KCNIP4: variants seen among roughly 807,000 people sequenced by gnomAD.
KCNIP4 encodes potassium voltage-gated channel interacting protein 4, also known as Kv channel-interacting protein 4.
Under a neutral mutation model 34.0 loss-of-function variants are expected in KCNIP4, and 12 were observed. The observed-to-expected ratio is 0.35, with a 90% CI of 0.23 to 0.57. KCNIP4 has a LOEUF of 0.57. Among genes scored for constraint, KCNIP4 ranks in the 20% least tolerant of loss-of-function variants. The pLI, the probability that KCNIP4 is intolerant of heterozygous loss-of-function variation, is 0.83. For synonymous variants in KCNIP4, 124 were observed against 102.2 expected, an observed-to-expected ratio of 1.21 and a Z score of -1.29; for missense variants, 238 against 311.7, an observed-to-expected ratio of 0.76 and a Z score of 1.78.
At position 21,528,759 on chromosome 4, in the gene KCNIP4, GAAAGAAAGAAAGAAAGA is replaced by G. The variant is rs1736316971; in HGVS notation, c.61+419795_61+419811del. Among the ~76,000 whole-genome samples the G allele has an allele frequency of 2.1e-3, 20 of 9,686 alleles. 4 individuals carry two copies. The highest frequency in any genetic ancestry group is 0.016 in the South Asian group (3 of 190). 6.4% of individuals were successfully genotyped at this position (9,686 alleles called of 152,430 possible). ...AGAAAGAAAGAAAGAAAGAAAGAAA[GAAAGAAAGAAAGAAAGA>G]AAGGAAGAAAGGAAGAAAGGAAGAA... On this transcript the variant is annotated intron_variant, in intron 1 of 8. Coordinates refer to ENST00000382152, the MANE Select transcript of KCNIP4 (RefSeq NM_025221.6).
intron 1 of KCNIP4, among the ~76,000 whole-genome samples, chr4:21,921,879 T>C (rs1728957780): frequency 6.6e-6 from 1 of 152,160 alleles, no homozygotes; most frequent in Admixed American, 6.6e-5. Context: ...ATGTAAATTA[T>C]ATCCCATCAC....
chr4:20,830,686 T>TAA (rs1196350797), intron 3 of KCNIP4, among the ~76,000 whole-genome samples: 1 of 150,488 alleles, frequency 6.6e-6, no homozygotes, highest in Non-Finnish European at 1.5e-5. Flanking sequence ...AGAAAAAATG[T>TAA]ATAGAGAAAT....
chr4:21,851,869 C>G (rs1296257995), intron 1 of KCNIP4: 1 of 151,998 alleles, frequency 6.6e-6, no homozygotes. Context: ...ATACTGGAAC[C>G]CTCGTCTCAG....
chr4:21,246,695 A>C (rs563792712), intron 1 of KCNIP4, among the ~76,000 whole-genome samples: 62 of 152,180 alleles, frequency 4.1e-4, no homozygotes, highest in Non-Finnish European at 7.3e-4. Flanking sequence ...CACAAAATAA[A>C]GATGCTGGGC....
At chr4:21,059,055 C>G (rs895941249) in intron 1 of KCNIP4, among the ~76,000 whole-genome samples, 1 of 152,090 alleles carries the variant, frequency 6.6e-6, no homozygotes, top group African/African-American at 2.4e-5. Context: ...GTAAGACGTC[C>G]CTTTGCTCTT....
At chr4:21,866,079 C>T (rs192795905) in intron 1 of KCNIP4, among the ~76,000 whole-genome samples, 127 of 152,008 alleles carry the variant, frequency 8.4e-4, no homozygotes, top group Non-Finnish European at 1.5e-3. Flanking sequence ...AAATGATTGC[C>T]ACGGCTGCAC....
Position 21,948,645 on chromosome 4 carries a change from G to A in KCNIP4, c.-14C>T. On this transcript the variant is annotated 5_prime_UTR_variant, in exon 1 of 9. Coordinates refer to ENST00000382152, the MANE Select transcript of KCNIP4 (RefSeq NM_025221.6). ...CCTCACATTCATGTCTAGGGACGCAGGGTGCAGAAGCGAGACTCGAGAGTC... is the reference window on the plus strand; with the variant it reads ...CCTCACATTCATGTCTAGGGACGCAAGGTGCAGAAGCGAGACTCGAGAGTC... 2 of 1,610,486 alleles carry A rather than the reference G, an allele frequency of 1.2e-6. No individual in the cohort carries two copies. The highest frequency in any genetic ancestry group is 1.1e-5 in the South Asian group (1 of 90,136).
In KCNIP4 at chr4:21,116,054, C is replaced by A. The variant is rs531937407; in HGVS notation, c.62-233345G>T. On this transcript the variant is annotated intron_variant, in intron 1 of 8. Transcript: ENST00000382152. ...CTTTCCTTTTCATTCCTTTTTCCCT[C>A]GCCTTTACACCAGCAAAGAAAAAGT... Among the ~76,000 whole-genome samples, 386 of 152,246 alleles carry A rather than the reference C, an allele frequency of 2.5e-3. 1 individual carries two copies. Among genetic ancestry groups the A allele is most frequent in the Non-Finnish European group, 3.1e-3 (211 of 68,024 alleles).
At chr4:21,222,598 A>AT (rs368406631) in intron 1 of KCNIP4, among the ~76,000 whole-genome samples, 1 of 152,188 alleles carries the variant, frequency 6.6e-6, no homozygotes, top group Admixed American at 6.6e-5. Flanking sequence ...ATGTTTTTAA[A>AT]TTTTTTTCTT....
intron 1 of KCNIP4, among the ~76,000 whole-genome samples, chr4:21,716,923 G>A (rs963757029): frequency 4.6e-5 from 7 of 152,098 alleles, no homozygotes; most frequent in African/African-American, 1.7e-4. Context: ...CCAGGTAGAC[G>A]GAAAGAATCA....
chr4:20,944,618 A>G (rs1223617893), intron 1 of KCNIP4, among the ~76,000 whole-genome samples: 1 of 152,198 alleles, frequency 6.6e-6, no homozygotes, highest in African/African-American at 2.4e-5. Context: ...TCATCATGGC[A>G]GAGACAAAGA....
At position 21,605,760 on chromosome 4, in the gene KCNIP4, G is replaced by A. The variant is rs748159766; in HGVS notation, c.61+342811C>T. Among the ~76,000 whole-genome samples the A allele has an allele frequency of 8.7e-4, 132 of 152,196 alleles. 1 individual carries two copies. The highest frequency in any genetic ancestry group is 8.7e-4 in the Non-Finnish European group (59 of 68,022). ...CTCCCAAAGTGCTGGGATTACAGGC[G>A]TGATCCACTGTGCCTGGCGTACAAT... is the stretch of plus-strand genomic sequence containing the variant. On this transcript the variant is annotated intron_variant, in intron 1 of 8. Transcript: ENST00000382152.
At chr4:21,909,259 C>T (rs892876937) in intron 1 of KCNIP4, among the ~76,000 whole-genome samples, 1 of 152,104 alleles carries the variant, frequency 6.6e-6, no homozygotes, top group Non-Finnish European at 1.5e-5. Context: ...TCTCTCCAGT[C>T]TTATATTCCC....
At chr4:21,590,469 CT>C (rs1342292062) in intron 1 of KCNIP4, among the ~76,000 whole-genome samples, 1 of 151,790 alleles carries the variant, frequency 6.6e-6, no homozygotes, top group Non-Finnish European at 1.5e-5. Flanking sequence ...GTATGTGGCC[CT>C]TTGCAACCAG....
At chr4:21,801,824 AC>A (rs1278594141) in intron 1 of KCNIP4, among the ~76,000 whole-genome samples, 2 of 151,854 alleles carry the variant, frequency 1.3e-5, no homozygotes, top group South Asian at 2.1e-4. Context: ...GGATGTAGAT[AC>A]CAGGCTGAGA....
chr4:21,126,617 CAA>C (rs71655615), intron 1 of KCNIP4, among the ~76,000 whole-genome samples: 11 of 82,028 alleles, frequency 1.3e-4, no homozygotes, highest in African/African-American at 1.7e-4. Context: ...AGAGAAATAG[CAA>C]AAAAAAAAAA....
intron 1 of KCNIP4, among the ~76,000 whole-genome samples, chr4:21,799,959 G>A (rs1720884215): frequency 6.6e-6 from 1 of 152,126 alleles, no homozygotes; most frequent in Non-Finnish European, 1.5e-5. Context: ...CGACTGCAAA[G>A]TTTAAAATTT....
intron 1 of KCNIP4, among the ~76,000 whole-genome samples, chr4:21,427,184 G>C (rs1726008297): frequency 6.6e-6 from 1 of 151,910 alleles, no homozygotes; most frequent in Non-Finnish European, 1.5e-5. Context: ...GTGTCTGTGA[G>C]GAAATTTTAG....
intron 1 of KCNIP4, among the ~76,000 whole-genome samples, chr4:21,789,641 A>G (rs950327061): frequency 6.6e-6 from 1 of 152,230 alleles, no homozygotes; most frequent in African/African-American, 2.4e-5. Flanking sequence ...TGTCTTTCCT[A>G]GTTAGCTCAT....
Sources: gnomAD v4.1 joint callset for allele counts (sites outside exome capture counted in the v4.1 genomes callset) on GRCh38, gnomAD v4.1.1 for gene constraint, MANE v1.5 for transcripts, NCBI Gene and HGNC (gene_info 2026-07-23, HGNC 2026-07-21) for gene names.